The following ZBTB20 variants were observed in gnomAD, a reference collection of about 807,000 sequenced individuals.
ZBTB20 encodes the protein zinc finger and BTB domain-containing protein 20.
Under a neutral mutation model 56.9 loss-of-function variants are expected in ZBTB20, and 9 were observed. The observed-to-expected ratio is 0.16, with a 90% CI of 0.10 to 0.28. The LOEUF (loss-of-function observed/expected upper bound fraction) is 0.28. ZBTB20 is among the 10% of genes least tolerant of loss of function. ZBTB20 has a pLI of 1.00. For synonymous variants in ZBTB20, 417 were observed against 420.7 expected, an observed-to-expected ratio of 0.99 and a Z score of 0.11; for missense variants, 655 against 1,003.0, an observed-to-expected ratio of 0.65 and a Z score of 4.69.
chr3:114,568,809 C>CAGA (rs2053090946), intron 6 of ZBTB20, among the ~76,000 whole-genome samples: 3 of 152,190 alleles, frequency 2.0e-5, no homozygotes, highest in Admixed American at 2.0e-4. Context: ...AGTAATGAAC[C>CAGA]AGAAGACCAA....
At chr3:115,030,049 G>A (rs927038282) in intron 2 of ZBTB20, among the ~76,000 whole-genome samples, 32 of 150,884 alleles carry the variant, frequency 2.1e-4, no homozygotes, top group African/African-American at 5.8e-4. Flanking sequence ...AAATAATTAA[G>A]GACCTGGGAA....
intron 5 of ZBTB20, among the ~76,000 whole-genome samples, chr3:114,708,015 T>G (rs1262801373): frequency 6.6e-6 from 1 of 152,230 alleles, no homozygotes; most frequent in Admixed American, 6.5e-5. Flanking sequence ...CAATGCCTAA[T>G]GCATTGTGAG....
At chr3:115,125,468 A>G (rs1342045922) in intron 1 of ZBTB20, among the ~76,000 whole-genome samples, 2 of 152,204 alleles carry the variant, frequency 1.3e-5, no homozygotes, top group African/African-American at 4.8e-5. Flanking sequence ...AAGTGAAATA[A>G]TCCAGGCACG....
rs1227329106 is a variant in ZBTB20 at position 114,315,819 on chromosome 3, T to G, written c.*23186A>C. 1 of 153,218 alleles carries G rather than the reference T, an allele frequency of 6.5e-6. No individual in the cohort carries two copies. Among genetic ancestry groups the G allele is most frequent in the African/African-American group, 2.4e-5 (1 of 41,452 alleles). 9.5% of individuals were successfully genotyped at this position (153,218 alleles called of 1,614,324 possible). ...CAGATATCTCTTCTGTGCACATGTA[T>G]ATGTTAACAGCTAGCCATTCAGCCA... On this transcript the variant is annotated 3_prime_UTR_variant, in exon 12 of 12. Transcript: ENST00000675478.
intron 4 of ZBTB20, among the ~76,000 whole-genome samples, chr3:114,865,730 T>C (rs2075738847): frequency 6.6e-6 from 1 of 152,192 alleles, no homozygotes; most frequent in South Asian, 2.1e-4. Context: ...CCCATATCAA[T>C]AACAACCAGT....
rs12695307 is a variant in ZBTB20, at chr3:114,801,191, T to A, written c.-416-17A>T. ...TCAGGCAGTCTGAAAAGAAACAGGT[T>A]AAAATCTCTTTCAGTTATAATTGGT... On this transcript the variant is annotated splice_polypyrimidine_tract_variant and intron_variant, in intron 4 of 11. Transcript: ENST00000675478. 86,718 of 151,862 alleles carry A rather than the reference T, an allele frequency of 0.57. 28,864 individuals carry two copies. The highest frequency in any genetic ancestry group is 0.74 in the Non-Finnish European group (49,852 of 67,696). The allele number at this position is 151,862 out of a possible 1,614,324, so 9.4% of individuals were successfully genotyped here. A position where few individuals can be genotyped will look rare whatever the true frequency, so the allele number is the denominator to read the frequency against.
intron 5 of ZBTB20, among the ~76,000 whole-genome samples, chr3:114,699,373 G>C (rs1029352200): frequency 6.6e-6 from 1 of 151,812 alleles, no homozygotes; most frequent in African/African-American, 2.4e-5. Flanking sequence ...GTTTTGATTA[G>C]GTTACACAAA....
intron 7 of ZBTB20, among the ~76,000 whole-genome samples, chr3:114,481,265 TA>T (rs376629043): frequency 2.6e-4 from 38 of 146,492 alleles, no homozygotes; most frequent in Middle Eastern, 3.5e-3. Flanking sequence ...AAGGATACAT[TA>T]AAAAAAAAAA....
intron 3 of ZBTB20, 110 bp downstream of exon 3, chr3:114,974,256 G>C (rs1156951439): frequency 6.6e-6 from 1 of 151,734 alleles, no homozygotes; most frequent in African/African-American, 2.4e-5. Flanking sequence ...GACAATAAAA[G>C]AAAAATAATA....
chr3:114,767,799 T>C (rs1474874849), intron 5 of ZBTB20, among the ~76,000 whole-genome samples: 1 of 151,912 alleles, frequency 6.6e-6, no homozygotes. Context: ...AAAAGGAAAA[T>C]TTCTTTCTCC....
At chr3:114,542,330 A>G (rs1041022423) in intron 6 of ZBTB20, among the ~76,000 whole-genome samples, 4 of 152,200 alleles carry the variant, frequency 2.6e-5, no homozygotes, top group African/African-American at 9.6e-5. Flanking sequence ...TTAGAGAGAA[A>G]GTTATAAATC....
At chr3:114,715,194 C>A (rs1300275819) in intron 5 of ZBTB20, among the ~76,000 whole-genome samples, 1 of 152,152 alleles carries the variant, frequency 6.6e-6, no homozygotes, top group Non-Finnish European at 1.5e-5. Flanking sequence ...GCAATTACTG[C>A]CGCTCAAAAA....
intron 3 of ZBTB20, among the ~76,000 whole-genome samples, chr3:114,933,192 G>C (rs1040526311): frequency 1.3e-5 from 2 of 152,154 alleles, no homozygotes; most frequent in South Asian, 4.1e-4. Flanking sequence ...GCACCCCAAA[G>C]ATTTGTAAAA....
At chr3:114,607,331 T>A (rs1459627585) in intron 6 of ZBTB20, among the ~76,000 whole-genome samples, 2 of 151,244 alleles carry the variant, frequency 1.3e-5, no homozygotes, top group Non-Finnish European at 1.5e-5. Flanking sequence ...AGACAGAGTT[T>A]TGCTCTTGTT....
chr3:114,377,428 G>C (rs1404789782), intron 10 of ZBTB20, among the ~76,000 whole-genome samples: 1 of 152,154 alleles, frequency 6.6e-6, no homozygotes, highest in Non-Finnish European at 1.5e-5. Context: ...AATTTGAAGA[G>C]GCTCAGGAGG....
intron 6 of ZBTB20, chr3:114,687,376 T>C (rs1481346982): frequency 1.3e-5 from 2 of 151,594 alleles, no homozygotes; most frequent in Non-Finnish European, 1.5e-5. Flanking sequence ...AAAAAAAAAT[T>C]AGAGCAGCAG....
At chr3:114,976,345 G>A (rs775162276) in intron 2 of ZBTB20, among the ~76,000 whole-genome samples, 1 of 152,254 alleles carries the variant, frequency 6.6e-6, no homozygotes, top group African/African-American at 2.4e-5. Flanking sequence ...TGAAGGACTG[G>A]CTGGGTGAGG....
intron 3 of ZBTB20, among the ~76,000 whole-genome samples, chr3:114,966,841 A>AT (rs961315498): frequency 6.6e-6 from 1 of 152,046 alleles, no homozygotes; most frequent in African/African-American, 2.4e-5. Context: ...AAAGTTAAAT[A>AT]TTTTTTTAAA....
At chr3:114,992,800 A>G (rs2078873806) in intron 2 of ZBTB20, among the ~76,000 whole-genome samples, 1 of 151,984 alleles carries the variant, frequency 6.6e-6, no homozygotes, top group South Asian at 2.1e-4. Context: ...GGGGAAAAAA[A>G]AACATAGAAA....
Sources: allele counts gnomAD v4.1 joint callset (sites outside exome capture counted in the v4.1 genomes callset), GRCh38; gene constraint gnomAD v4.1.1; transcripts MANE v1.5; gene names NCBI Gene and HGNC (gene_info 2026-07-23, HGNC 2026-07-21).